Variants in DAB1 observed in about 807,000 individuals in gnomAD.
The protein encoded by DAB1 is disabled homolog 1.
Under a neutral mutation model 64.6 loss-of-function variants are expected in DAB1, and 15 were observed. The observed-to-expected ratio is 0.23, with a 90% CI of 0.16 to 0.36. The LOEUF (loss-of-function observed/expected upper bound fraction) is 0.36. DAB1 is among the 10% of genes least tolerant of loss of function. DAB1 has a pLI of 1.00. For missense variants in DAB1, 596 were observed against 706.7 expected (o/e 0.84, Z 1.78); for synonymous variants, 235 against 251.9 (o/e 0.93, Z 0.64).
intron 5 of DAB1, among the ~76,000 whole-genome samples, chr1:58,030,665 G>C (rs531024059): frequency 1.3e-5 from 2 of 152,158 alleles, no homozygotes; most frequent in Non-Finnish European, 2.9e-5. Flanking sequence ...GGTGGGGCCC[G>C]GGTTTTCCTC....
intron 6 of DAB1, among the ~76,000 whole-genome samples, chr1:57,653,863 G>A (rs1044042350): frequency 2.6e-5 from 4 of 152,048 alleles, no homozygotes; most frequent in Non-Finnish European, 4.4e-5. Flanking sequence ...CACCTTCCTC[G>A]GCCTCCCAAT....
chr1:57,015,904 AGAGT>A (rs1646415617), intron 11 of DAB1, among the ~76,000 whole-genome samples: 2 of 152,328 alleles, frequency 1.3e-5, no homozygotes, highest in South Asian at 2.1e-4. Flanking sequence ...GGCAGTGTGC[AGAGT>A]GAGTAAGAAT....
At chr1:57,383,051 T>C (rs1681510191) in intron 1 of DAB1, among the ~76,000 whole-genome samples, 1 of 151,224 alleles carries the variant, frequency 6.6e-6, no homozygotes, top group African/African-American at 2.4e-5. Flanking sequence ...AAAATAAAAG[T>C]AGAGAAAGGT....
At chr1:57,248,771 T>C (rs1243846140) in intron 2 of DAB1, among the ~76,000 whole-genome samples, 1 of 152,228 alleles carries the variant, frequency 6.6e-6, no homozygotes, top group Admixed American at 6.5e-5. Flanking sequence ...GTAGGAACTG[T>C]GATTTTCTTT....
chr1:58,397,830 T>C (rs1644535694), intron 3 of DAB1, among the ~76,000 whole-genome samples: 1 of 152,194 alleles, frequency 6.6e-6, no homozygotes, highest in Non-Finnish European at 1.5e-5. Flanking sequence ...GGCCTCATCT[T>C]TGAATCTGTA....
intron 7 of DAB1, among the ~76,000 whole-genome samples, chr1:57,577,176 T>C (rs547318343): frequency 6.6e-6 from 1 of 152,300 alleles, no homozygotes; most frequent in Non-Finnish European, 1.5e-5. Flanking sequence ...AGATAATTTT[T>C]GCTATTACAC....
At chr1:58,250,466 A>ACAGCAGCAGTAGCAGCAG (rs1053722860) in intron 4 of DAB1, among the ~76,000 whole-genome samples, 2 of 152,256 alleles carry the variant, frequency 1.3e-5, no homozygotes, top group East Asian at 1.9e-4. Flanking sequence ...AGCGGTAGCA[A>ACAGCAGCAGTAGCAGCAG]CAGCAGCAGT....
chr1:58,261,228 C>T (rs1467840274), intron 4 of DAB1, among the ~76,000 whole-genome samples: 1 of 152,092 alleles, frequency 6.6e-6, no homozygotes, highest in Non-Finnish European at 1.5e-5. Context: ...GCATTTTTCC[C>T]TGCCTAGGTT....
intron 5 of DAB1, among the ~76,000 whole-genome samples, chr1:57,977,334 C>G (rs1382875925): frequency 4.6e-5 from 7 of 152,168 alleles, no homozygotes; most frequent in Non-Finnish European, 1.0e-4. Context: ...ATATCCAGAT[C>G]ACCCTGATTA....
intron 5 of DAB1, among the ~76,000 whole-genome samples, chr1:58,128,489 C>T (rs1653291344): frequency 7.5e-6 from 1 of 132,472 alleles, no homozygotes; most frequent in Admixed American, 7.4e-5. Context: ...ACGTCCAACA[C>T]TATGTTGAAT....
intron 7 of DAB1, among the ~76,000 whole-genome samples, chr1:57,502,769 G>A (rs1447186661): frequency 6.6e-6 from 1 of 152,148 alleles, no homozygotes; most frequent in Non-Finnish European, 1.5e-5. Context: ...TCTTTAATTT[G>A]GAGCAAATTC....
chr1:58,134,412 A>C (rs1015367453), intron 5 of DAB1, among the ~76,000 whole-genome samples: 4 of 152,124 alleles, frequency 2.6e-5, no homozygotes, highest in African/African-American at 4.8e-5. Flanking sequence ...CAAAGGCCCC[A>C]CCTCTTAATA....
intron 2 of DAB1, among the ~76,000 whole-genome samples, chr1:57,284,576 A>C (rs1298620891): frequency 2.0e-5 from 3 of 152,142 alleles, no homozygotes; most frequent in Admixed American, 2.0e-4. Context: ...GTATGAACCC[A>C]AATACCCAGT....
intron 4 of DAB1, among the ~76,000 whole-genome samples, chr1:58,156,236 T>C (rs1655222263): frequency 6.6e-6 from 1 of 152,178 alleles, no homozygotes; most frequent in Non-Finnish European, 1.5e-5. Flanking sequence ...AAATTGAGGC[T>C]CAAATGAGAT....
intron 2 of DAB1, among the ~76,000 whole-genome samples, chr1:57,218,421 C>G (rs12738648): frequency 6.8e-6 from 1 of 147,308 alleles, no homozygotes; most frequent in African/African-American, 2.5e-5. Context: ...TGGCTCGCAT[C>G]TGCAATCCCA....
In DAB1 at chr1:57,086,347, G is replaced by A. The variant is rs568009874; in HGVS notation, c.307-13933C>T. On this transcript the variant is annotated intron_variant, in intron 4 of 14. Transcript: ENST00000371236. ...CCAAGGGATGCTCAGCTGAAGCATC[G>A]GGGAGGTTGGTTCATAGGCGAACAG... 1.7e-4 allele frequency among the ~76,000 whole-genome samples: 26 copies of A among 152,204 alleles called. No homozygotes were observed. The South Asian group carries it at 1.9e-3, about 11-fold the overall frequency.
intron 7 of DAB1, among the ~76,000 whole-genome samples, chr1:57,441,038 G>A (rs1685922498): frequency 6.6e-6 from 1 of 151,944 alleles, no homozygotes; most frequent in East Asian, 1.9e-4. Flanking sequence ...CCTTCCTCTA[G>A]TAGTCCACAG....
At chr1:57,571,711 T>C (rs1256660450) in intron 7 of DAB1, among the ~76,000 whole-genome samples, 1 of 152,190 alleles carries the variant, frequency 6.6e-6, no homozygotes, top group Non-Finnish European at 1.5e-5. Context: ...ATTACAAGTA[T>C]TGGGCAAAAT....
At chr1:57,403,895 T>C (rs954419691) in intron 1 of DAB1, among the ~76,000 whole-genome samples, 21 of 152,216 alleles carry the variant, frequency 1.4e-4, no homozygotes, top group African/African-American at 4.6e-4. Flanking sequence ...TCAACAGTCA[T>C]GTGCTAGTGG....
Sources: allele counts gnomAD v4.1 joint callset (sites outside exome capture counted in the v4.1 genomes callset), GRCh38; gene constraint gnomAD v4.1.1; transcripts MANE v1.5; gene names NCBI Gene and HGNC (gene_info 2026-07-23, HGNC 2026-07-21).